TG: variants seen among roughly 807,000 people sequenced by gnomAD.
TG encodes thyroglobulin.
Under a neutral mutation model 324.7 loss-of-function variants are expected in TG, and 270 were observed. That is an observed-to-expected ratio of 0.83 (90% CI 0.75 to 0.92). The LOEUF is 0.92. Among genes scored for constraint, TG ranks in the 40% least tolerant of loss-of-function variants. The probability of loss-of-function intolerance (pLI) is 0.00; values close to 1 mark genes in which losing one functional copy is unlikely to be tolerated. For synonymous variants in TG, 1,401 were observed against 1,327.0 expected, an observed-to-expected ratio of 1.06 and a Z score of -1.21; for missense variants, 3,591 against 3,456.4, an observed-to-expected ratio of 1.04 and a Z score of -0.98.
intron 41 of TG, chr8:133,050,907 T>G: frequency 6.2e-7 from 1 of 1,611,218 alleles, no homozygotes; most frequent in Non-Finnish European, 8.5e-7. Flanking sequence ...AGGAAGTCGC[T>G]ATCCAGTCCT....
chr8:132,910,738 A>G (rs1173115420), intron 18 of TG, among the ~76,000 whole-genome samples: 1 of 152,220 alleles, frequency 6.6e-6, no homozygotes, highest in Non-Finnish European at 1.5e-5. Flanking sequence ...TCTGTTGTTT[A>G]TAAGACACAC....
intron 35 of TG, among the ~76,000 whole-genome samples, chr8:132,988,269 TGGA>T (rs1446757485): frequency 2.0e-5 from 3 of 151,984 alleles, no homozygotes; most frequent in Non-Finnish European, 4.4e-5. Context: ...AACTGTGACT[TGGA>T]GGAGGAGTGT....
At chr8:132,916,077 A>G (rs1820251321) in intron 20 of TG, among the ~76,000 whole-genome samples, 1 of 152,238 alleles carries the variant, frequency 6.6e-6, no homozygotes, top group African/African-American at 2.4e-5. Context: ...AGGGGCCTAT[A>G]GTGCCACACA....
intron 21 of TG, among the ~76,000 whole-genome samples, chr8:132,922,708 G>C (rs1442750509): frequency 6.6e-6 from 1 of 152,202 alleles, no homozygotes; most frequent in Non-Finnish European, 1.5e-5. Flanking sequence ...CAGATTTGGT[G>C]TCTGATAAAG....
chr8:132,987,490 T>A (rs1298350076), intron 35 of TG, among the ~76,000 whole-genome samples: 2 of 152,220 alleles, frequency 1.3e-5, no homozygotes, highest in African/African-American at 4.8e-5. Context: ...ATAAATCATA[T>A]AATATTCACA....
At chr8:132,949,978 A>G (rs1269359483) in intron 27 of TG, among the ~76,000 whole-genome samples, 1 of 152,226 alleles carries the variant, frequency 6.6e-6, no homozygotes, top group Non-Finnish European at 1.5e-5. Flanking sequence ...CAGCACCACC[A>G]GCACCACCAT....
At chr8:132,940,325 G>A (rs1824265178) in intron 25 of TG, among the ~76,000 whole-genome samples, 1 of 152,144 alleles carries the variant, frequency 6.6e-6, no homozygotes, top group South Asian at 2.1e-4. Flanking sequence ...TGGAAAATGG[G>A]CATAAGAATG....
At chr8:132,871,245 C>T in intron 3 of TG, 103 bp from the exon 4 acceptor site, 1 of 1,265,398 alleles carries the variant, frequency 7.9e-7, no homozygotes, top group Non-Finnish European at 1.2e-6. Context: ...GGTCATTCCC[C>T]TCTCAGCTGT....
At chr8:133,116,431 T>A (rs538983574) in intron 44 of TG, among the ~76,000 whole-genome samples, 178 bp from the exon 45 acceptor site, 7 of 152,282 alleles carry the variant, frequency 4.6e-5, no homozygotes, top group Non-Finnish European at 1.0e-4. Context: ...TTCCCATCAA[T>A]GTGGCAGTGG....
At chr8:133,048,083 G>A (rs1165379035) in intron 41 of TG, 1 of 586,466 alleles carries the variant, frequency 1.7e-6, no homozygotes, top group African/African-American at 1.9e-5. Context: ...CCACAGATGA[G>A]AATACTGAGG....
chr8:132,963,835 A>C (rs1039150904), intron 29 of TG, among the ~76,000 whole-genome samples: 3 of 152,104 alleles, frequency 2.0e-5, no homozygotes, highest in Middle Eastern at 3.2e-3. Flanking sequence ...GGGGAAAAAA[A>C]CGTCATGCTA....
intron 35 of TG, among the ~76,000 whole-genome samples, chr8:132,986,749 A>G (rs1831607863): frequency 6.6e-6 from 1 of 152,172 alleles, no homozygotes. Flanking sequence ...CCAAAGCGGA[A>G]TTATTGGGCT....
intron 24 of TG, among the ~76,000 whole-genome samples, chr8:132,935,229 C>T (rs1823402389): frequency 6.6e-6 from 1 of 151,980 alleles, no homozygotes; most frequent in Admixed American, 6.6e-5. Flanking sequence ...CAACCTCCGC[C>T]TCCCAGGTTC....
chr8:132,894,101 C>T (rs1465577116), intron 11 of TG, among the ~76,000 whole-genome samples, 172 bp downstream of exon 11: 3 of 152,136 alleles, frequency 2.0e-5, no homozygotes, highest in African/African-American at 7.2e-5. Flanking sequence ...AGCTGGAATG[C>T]TGCACGCATC....
chr8:133,130,973 C>T (rs960743641), intron 45 of TG, among the ~76,000 whole-genome samples: 5 of 152,186 alleles, frequency 3.3e-5, no homozygotes, highest in South Asian at 2.1e-4. Flanking sequence ...GCTTCTCTGT[C>T]GCCACCGCAG....
chr8:132,941,607 A>G lies in TG; in HGVS notation c.5233+65A>G, dbSNP rs115202445. The G allele has an allele frequency of 4.6e-3, 7,244 of 1,591,898 alleles. 286 individuals carry two copies. The African/African-American group carries it at 0.085, about 19-fold the overall frequency. On this transcript the variant is annotated intron_variant, in intron 26 of 47. Transcript: ENST00000220616. ...GGGAGCACACAGGGATGCAGAAGCCAGGACACACAACATGGAGCTGCATGG... is the reference window on the plus strand; with the variant it reads ...GGGAGCACACAGGGATGCAGAAGCCGGGACACACAACATGGAGCTGCATGG...
At chr8:132,938,427 T>C (rs1823924607) in intron 25 of TG, among the ~76,000 whole-genome samples, 1 of 152,146 alleles carries the variant, frequency 6.6e-6, no homozygotes, top group Non-Finnish European at 1.5e-5. Flanking sequence ...ATCTCACAGA[T>C]GAGGTCTAGG....
chr8:132,969,581 G>T lies in TG; in HGVS notation c.5975+12G>T, dbSNP rs370941097. 1 of 1,485,198 alleles carries T rather than the reference G, an allele frequency of 6.7e-7. No individual in the cohort carries two copies. The highest frequency in any genetic ancestry group is 9.4e-7 in the Non-Finnish European group (1 of 1,063,024). 92.0% of individuals were successfully genotyped at this position (1,485,198 alleles called of 1,614,324 possible). A position where few individuals can be genotyped will look rare whatever the true frequency, so the allele number is the denominator to read the frequency against. On this transcript the variant is annotated intron_variant, in intron 32 of 47. Coordinates refer to ENST00000220616, the MANE Select transcript of TG (RefSeq NM_003235.5). The stretch of plus-strand genomic sequence containing the variant: ...TCTATTTCTAATGGGTAAGCTACTT[G>T]TGTCTCACCCCTAATGTTTATTATG...
At chr8:133,133,938 C>A (rs1360229575) in intron 47 of TG, among the ~76,000 whole-genome samples, 3 of 152,170 alleles carry the variant, frequency 2.0e-5, no homozygotes, top group African/African-American at 4.8e-5. Flanking sequence ...AATGCTGAAC[C>A]AACATCAGGG....
Sources: gnomAD v4.1 joint callset for allele counts (sites outside exome capture counted in the v4.1 genomes callset) on GRCh38, gnomAD v4.1.1 for gene constraint, MANE v1.5 for transcripts, NCBI Gene and HGNC (gene_info 2026-07-23, HGNC 2026-07-21) for gene names.